The following FAT1 variants were observed in gnomAD, a reference collection of about 807,000 sequenced individuals.
The protein encoded by FAT1 is FAT atypical cadherin 1, also known as protocadherin Fat 1.
In FAT1, 171 loss-of-function variants were observed where a neutral mutation model predicts 329.8. That is an observed-to-expected ratio of 0.52 (90% CI 0.46 to 0.59). FAT1 has a LOEUF of 0.59. Among genes scored for constraint, FAT1 ranks in the 20% least tolerant of loss-of-function variants. The pLI is 0.00. For missense variants in FAT1, 5,672 were observed against 5,774.4 expected, an observed-to-expected ratio of 0.98 and a Z score of 0.57; for synonymous variants, 2,233 against 2,228.6, an observed-to-expected ratio of 1.00 and a Z score of -0.06.
intron 20 of FAT1, chr4:186,601,764 A>G (rs1208958358): frequency 1.1e-5 from 2 of 177,946 alleles, no homozygotes; most frequent in Non-Finnish European, 2.4e-5. Context: ...AACCTTCTCA[A>G]GCAAAATAAA....
intron 2 of FAT1, among the ~76,000 whole-genome samples, chr4:186,699,300 T>G (rs2126671751): frequency 6.6e-6 from 1 of 152,046 alleles, no homozygotes; most frequent in East Asian, 1.9e-4. Flanking sequence ...GATTTAAAAC[T>G]AAAAAGACTG....
chr4:186,608,875 A>G (rs1579311737), intron 16 of FAT1, among the ~76,000 whole-genome samples: 2 of 152,066 alleles, frequency 1.3e-5, no homozygotes, highest in Admixed American at 6.6e-5. Context: ...AACCTCTATG[A>G]TTTTCCAAAC....
chr4:186,613,462 G>C (rs769971069), intron 12 of FAT1, 120 bp from the exon 13 acceptor site: 658 of 735,596 alleles, frequency 8.9e-4, no homozygotes, highest in Non-Finnish European at 1.4e-3. Flanking sequence ...CCTTCCTCTT[G>C]AGACCAGTAT....
chr4:186,708,062 G>A lies in FAT1; in HGVS notation c.1766C>T (p.Thr589Ile), dbSNP rs2126693550. The A allele has an allele frequency of 6.2e-7, 1 of 1,613,954 alleles. No individual in the cohort carries two copies. Among genetic ancestry groups the A allele is most frequent in the African/African-American group, 1.3e-5 (1 of 75,032 alleles). Residue 589 changes from threonine to isoleucine, a missense_variant, in exon 2 of 27, where the codon ACC becomes ATC. By Grantham distance (89) the Thr-to-Ile change is moderately conservative. Around this residue, in one of 2 missense-constraint regions of FAT1, gnomAD observed 3,966 missense variants for 3,915.2 expected, o/e 1.01. Transcript: ENST00000441802. ...PRDLGVGEQI[T>I]TVSAIDADEL... ...ATCTGCATCAATAGCAGAAACAGTG[G>A]TTATTTGCTCTCCCACGCCTAGATC...
chr4:186,628,902 G>C (rs1740453865), intron 7 of FAT1, 139 bp from the exon 8 acceptor site: 1 of 768,054 alleles, frequency 1.3e-6, no homozygotes, highest in African/African-American at 1.8e-5. Flanking sequence ...CAAAAACCTA[G>C]AATCATACAT....
Position 186,596,713 on chromosome 4 carries a change from G to A in FAT1, c.12827C>T (p.Ser4276Phe), listed in dbSNP as rs2126388803. ...GAATTCGGGATGCTCTGGGATAGCA[G>A]ATCCTTCGAAGGAATTTCGGTCCAG... ...NNLDRNSFEG[S>F]AIPEHPEFST... Residue 4276 changes from serine (S) to phenylalanine (F), a missense_variant, in exon 25 of 27, where the codon TCT (serine) becomes TTT (phenylalanine). Physicochemically the swap from Ser to Phe is radical, Grantham distance 155. Coordinates refer to ENST00000441802, the MANE Select transcript of FAT1 (RefSeq NM_005245.4). The surrounding 1 kb of genome is among the most constrained non-coding windows in gnomAD (Gnocchi z 4.7). 2 of 1,613,982 alleles carry A rather than the reference G, an allele frequency of 1.2e-6. No homozygotes were observed. Among genetic ancestry groups the A allele is most frequent in the Non-Finnish European group, 1.7e-6 (2 of 1,179,874 alleles).
rs1292175082 is a variant in FAT1 at position 186,609,973 on chromosome 4, T to C, written c.9896A>G (p.His3299Arg). 1 of 1,613,414 alleles carries C rather than the reference T, an allele frequency of 6.2e-7. No homozygotes were observed. Among genetic ancestry groups the C allele is most frequent in the South Asian group, 1.1e-5 (1 of 91,062 alleles). ...GGCCTCTACTGTTAGGTAATACTCATGAGAGCTCTCATAATCCAGATTCTC... is the reference window on the plus strand; with the variant it reads ...GGCCTCTACTGTTAGGTAATACTCACGAGAGCTCTCATAATCCAGATTCTC... Reference protein sequence around the residue: ...IIENLDYESSHEYYLTVEATD... With the variant: ...IIENLDYESSREYYLTVEATD... The change falls in exon 15 of 27, where the codon CAT becomes CGT. Residue 3299 changes from histidine (H) to arginine (R), a missense_variant. Transcript: ENST00000441802.
At chr4:186,601,932 T>C (rs1246841617) in intron 20 of FAT1, among the ~76,000 whole-genome samples, 1 of 152,162 alleles carries the variant, frequency 6.6e-6, no homozygotes, top group African/African-American at 2.4e-5. Flanking sequence ...ATAAATGATA[T>C]AAAGACAGAG....
At chr4:186,712,406 C>T (rs1347558338) in intron 1 of FAT1, among the ~76,000 whole-genome samples, 1 of 152,116 alleles carries the variant, frequency 6.6e-6, no homozygotes, top group African/African-American at 2.4e-5. Context: ...CATCCACTCA[C>T]CCCTTTCATT....
At chr4:186,678,599 ATAT>A (rs1309752992) in intron 2 of FAT1, among the ~76,000 whole-genome samples, 7 of 148,604 alleles carry the variant, frequency 4.7e-5, no homozygotes, top group Admixed American at 1.3e-4. Context: ...TATATTATTG[ATAT>A]TATGTATTAT....
At chr4:186,680,817 G>A (rs1289856075) in intron 2 of FAT1, among the ~76,000 whole-genome samples, 7 of 152,164 alleles carry the variant, frequency 4.6e-5, no homozygotes, top group Non-Finnish European at 7.3e-5. Flanking sequence ...GTCTACGTTC[G>A]AGAGTGGCAC....
intron 1 of FAT1, among the ~76,000 whole-genome samples, chr4:186,722,894 CA>C (rs61515271): frequency 0.096 from 14,045 of 145,826 alleles, 747 homozygotes; most frequent in South Asian, 0.18. Context: ...ACAGTTCAGA[CA>C]AAAAAAAAAA....
chr4:186,699,415 G>GT (rs1220978322), intron 2 of FAT1, among the ~76,000 whole-genome samples: 21 of 152,174 alleles, frequency 1.4e-4, no homozygotes, highest in African/African-American at 4.6e-4. Context: ...GTTCAACATG[G>GT]TATCAGATAT....
chr4:186,614,257 T>C lies in FAT1; in HGVS notation c.9163A>G (p.Asn3055Asp), dbSNP rs766956468. The change falls in exon 12 of 27, where the codon AAC (asparagine) becomes GAC (aspartate). Residue 3055 changes from asparagine (N) to aspartate (D), a missense_variant. Physicochemically the swap from Asn to Asp is conservative, Grantham distance 23. Coordinates refer to ENST00000441802, the MANE Select transcript of FAT1 (RefSeq NM_005245.4). ...AATAACGTGTAAGTAATTTCAGCGTTAGAGCGGATGTCTGCGTCTGTAGCA... is the reference window on the plus strand; with the variant it reads ...AATAACGTGTAAGTAATTTCAGCGTCAGAGCGGATGTCTGCGTCTGTAGCA... ...ISATDADIRSNAEITYTLLGS... is the reference protein window; with the variant it reads ...ISATDADIRSDAEITYTLLGS... 9.3e-6 allele frequency: 15 copies of C among 1,604,302 alleles called. No individual in the cohort carries two copies. In the East Asian group the frequency reaches 3.2e-4, roughly 34 times the overall value.
At chr4:186,677,982 T>C (rs1332176548) in intron 2 of FAT1, among the ~76,000 whole-genome samples, 1 of 152,224 alleles carries the variant, frequency 6.6e-6, no homozygotes. Flanking sequence ...GTAGTTCTTA[T>C]ATTATCTCTG....
chr4:186,682,526 C>CAAGAAAAAAAAAAAA (rs1743268113), intron 2 of FAT1, among the ~76,000 whole-genome samples: 1 of 119,706 alleles, frequency 8.4e-6, no homozygotes, highest in Non-Finnish European at 1.6e-5. Context: ...GACTCTGTCT[C>CAAGAAAAAAAAAAAA]AAAAAAAAAA....
rs775588951 is a variant in FAT1 at position 186,597,180 on chromosome 4, G to T, written c.12369-9C>A. 6.3e-7 allele frequency: 1 copy of T among 1,590,004 alleles called. No homozygotes were observed. The highest frequency in any genetic ancestry group is 8.6e-7 in the Non-Finnish European group (1 of 1,168,054). ...CGATATCACTCTGACACCTGCCAAG[G>T]AAGTCAGGAATGAGGAGAGACCTCT... is the stretch of plus-strand genomic sequence containing the variant. On this transcript the variant is annotated splice_polypyrimidine_tract_variant and intron_variant, in intron 24 of 26. Coordinates refer to ENST00000441802, the MANE Select transcript of FAT1 (RefSeq NM_005245.4).
chr4:186,659,179 T>C (rs190079806), intron 3 of FAT1, among the ~76,000 whole-genome samples: 22 of 152,310 alleles, frequency 1.4e-4, no homozygotes, highest in Admixed American at 6.5e-4. Flanking sequence ...TAGACTAGAA[T>C]AGACCATCCC....
rs1367435443 is a variant in FAT1, at chr4:186,707,376, T to G, written c.2452A>C (p.Asn818His). Residue 818 changes from asparagine (N) to histidine (H), a missense_variant, in exon 2 of 27, where the codon AAT becomes CAT. Physicochemically the swap from Asn to His is moderately conservative, Grantham distance 68. This residue lies in a region of FAT1 where 3,966 missense variants were observed against 3,915.2 expected (regional missense o/e 1.01). Coordinates refer to ENST00000441802, the MANE Select transcript of FAT1 (RefSeq NM_005245.4). ...CTCTCCTGTAAAAACTCGGGTGGAT[T>G]ATCATTGGCATCGACAACCACGACA... ...LHVVVVDAND[N>H]PPEFLQESYF... The G allele has an allele frequency of 6.2e-7, 1 of 1,613,980 alleles. No individual in the cohort carries two copies. Among genetic ancestry groups the G allele is most frequent in the Non-Finnish European group, 8.5e-7 (1 of 1,179,886 alleles).
Sources: allele counts gnomAD v4.1 joint callset (sites outside exome capture counted in the v4.1 genomes callset), GRCh38; gene constraint gnomAD v4.1.1; regional missense constraint gnomAD v4.1.1; non-coding constraint Gnocchi (gnomAD v3.1); transcripts MANE v1.5; gene names NCBI Gene and HGNC (gene_info 2026-07-23, HGNC 2026-07-21).